CDC40: variants seen among roughly 807,000 people sequenced by gnomAD.
CDC40 encodes pre-mRNA-processing factor 17.
In CDC40, 27 loss-of-function variants were observed where a neutral mutation model predicts 80.6. The ratio of observed to expected loss-of-function variants is 0.33; its 90% confidence interval spans 0.25 to 0.46. CDC40 has a LOEUF of 0.46. Among genes scored for constraint, CDC40 ranks in the 20% least tolerant of loss-of-function variants. CDC40 has a pLI of 1.00. For synonymous variants in CDC40, 221 were observed against 232.6 expected (o/e 0.95, Z 0.45); for missense variants, 486 against 694.1 (o/e 0.70, Z 3.37).
At chr6:110,186,483 CATAAATAA>C (rs142888515) in intron 1 of CDC40, among the ~76,000 whole-genome samples, 1,930 of 151,402 alleles carry the variant, frequency 0.013, 48 homozygotes, top group African/African-American at 0.045. Flanking sequence ...GACCCTGTCT[CATAAATAA>C]ATAAATAAAT....
intron 10 of CDC40, 37 bp downstream of exon 10, chr6:110,217,840 C>T: frequency 9.7e-7 from 1 of 1,034,544 alleles, no homozygotes; most frequent in Non-Finnish European, 1.5e-6. Flanking sequence ...ATTCATCTTA[C>T]AAGTTATTTA....
At chr6:110,193,922 A>G (rs1777385168) in intron 2 of CDC40, among the ~76,000 whole-genome samples, 1 of 152,210 alleles carries the variant, frequency 6.6e-6, no homozygotes, top group Non-Finnish European at 1.5e-5. Context: ...AAAGGAAAAT[A>G]TTGGGGCTTA....
chr6:110,194,806 A>C (rs565987893), intron 2 of CDC40, among the ~76,000 whole-genome samples: 67 of 152,300 alleles, frequency 4.4e-4, no homozygotes, highest in African/African-American at 1.3e-3. Context: ...ATGTCATTTT[A>C]TTTTCTCTGA....
At chr6:110,217,599 G>A in intron 9 of CDC40, 103 bp from the exon 10 acceptor site, 1 of 686,750 alleles carries the variant, frequency 1.5e-6, no homozygotes, top group Admixed American at 2.0e-5. Flanking sequence ...TCACAGCTGA[G>A]AACCACTGCT....
chr6:110,205,675 CCTT>C (rs1777552365), intron 3 of CDC40, among the ~76,000 whole-genome samples: 1 of 152,132 alleles, frequency 6.6e-6, no homozygotes. Flanking sequence ...TCTGTCTACT[CCTT>C]CACCCTTCCA....
At chr6:110,185,365 C>T (rs1031108337) in intron 1 of CDC40, among the ~76,000 whole-genome samples, 3 of 149,892 alleles carry the variant, frequency 2.0e-5, no homozygotes, top group African/African-American at 4.9e-5. Context: ...GCCTCAGCCT[C>T]CCAAGTAGCT....
At chr6:110,219,564 C>A in intron 11 of CDC40, 85 bp downstream of exon 11, 1 of 1,074,198 alleles carries the variant, frequency 9.3e-7, no homozygotes, top group Non-Finnish European at 1.4e-6. Context: ...TAATATTACT[C>A]ATTTAATGTT....
Position 110,213,169 on chromosome 6 carries a change from T to G in CDC40, c.942+9T>G. 1 of 1,524,706 alleles carries G rather than the reference T, an allele frequency of 6.6e-7. No homozygotes were observed. The allele number at this position is 1,524,706 out of a possible 1,614,324, so 94.4% of individuals were successfully genotyped here. A position where few individuals can be genotyped will look rare whatever the true frequency, so the allele number is the denominator to read the frequency against. ...TGGACTGTAAAATTAAGGTGAGTTT[T>G]CAGTAACAGAGTAGGAGTGCTGCAA... On this transcript the variant is annotated intron_variant, in intron 8 of 14. Coordinates refer to ENST00000307731, the MANE Select transcript of CDC40 (RefSeq NM_015891.3).
intron 1 of CDC40, among the ~76,000 whole-genome samples, chr6:110,190,155 A>T (rs1777326575): frequency 6.6e-6 from 1 of 152,172 alleles, no homozygotes; most frequent in African/African-American, 2.4e-5. Context: ...AGAGTACAGC[A>T]TTTTTTTAGG....
In CDC40 at chr6:110,195,085, A is replaced by C. The variant is rs1323071353; in HGVS notation, c.276+1817A>C. 4.6e-5 allele frequency among the ~76,000 whole-genome samples: 7 copies of C among 152,202 alleles called. 1 individual carries two copies. Among genetic ancestry groups the C allele is most frequent in the Admixed American group, 3.3e-4 (5 of 15,286 alleles). ...GACTTAAAAGGGAAGCAAAATTATAATTGTTCCTGGTTGCCAAATGAATCC... is the reference window on the plus strand; with the variant it reads ...GACTTAAAAGGGAAGCAAAATTATACTTGTTCCTGGTTGCCAAATGAATCC... On this transcript the variant is annotated intron_variant, in intron 2 of 14. Transcript: ENST00000307731.
intron 10 of CDC40, among the ~76,000 whole-genome samples, chr6:110,219,026 C>T (rs938174315): frequency 3.9e-5 from 6 of 151,996 alleles, no homozygotes; most frequent in African/African-American, 1.4e-4. Context: ...GAAATCATAC[C>T]ATTTTTTCTC....
chr6:110,203,126 ATT>A (rs1399371712), intron 3 of CDC40, among the ~76,000 whole-genome samples: 24 of 152,192 alleles, frequency 1.6e-4, no homozygotes, highest in Non-Finnish European at 3.1e-4. Context: ...GAGACAGTTT[ATT>A]AAGTTCAAGT....
At chr6:110,189,628 T>C (rs762600103) in intron 1 of CDC40, among the ~76,000 whole-genome samples, 1 of 152,218 alleles carries the variant, frequency 6.6e-6, no homozygotes, top group Non-Finnish European at 1.5e-5. Context: ...TCCTGAATTT[T>C]ATTCCCTCCT....
chr6:110,212,018 C>T (rs947571621), intron 6 of CDC40, 115 bp from the exon 7 acceptor site: 2 of 838,804 alleles, frequency 2.4e-6, no homozygotes, highest in Non-Finnish European at 3.8e-6. Flanking sequence ...AGTGTTATTA[C>T]CTAAACCTTA....
intron 14 of CDC40, among the ~76,000 whole-genome samples, chr6:110,229,694 C>CTATCTAGAGA (rs1335964856): frequency 9.2e-5 from 14 of 152,054 alleles, no homozygotes; most frequent in African/African-American, 2.4e-5. Flanking sequence ...GATTGTGTAA[C>CTATCTAGAGA]CTCATTCACT....
intron 1 of CDC40, among the ~76,000 whole-genome samples, chr6:110,192,831 A>G (rs1401124820): frequency 6.6e-6 from 1 of 152,170 alleles, no homozygotes; most frequent in Non-Finnish European, 1.5e-5. Flanking sequence ...TTTGCTGAGT[A>G]AAAAAAGAAA....
At chr6:110,183,818 A>G (rs961908914) in intron 1 of CDC40, among the ~76,000 whole-genome samples, 3 of 152,088 alleles carry the variant, frequency 2.0e-5, no homozygotes, top group African/African-American at 4.8e-5. Context: ...GTATCTTTTA[A>G]TATGTTATTG....
In CDC40 at chr6:110,217,759, G is replaced by C. The variant is rs753551548; in HGVS notation, c.1046G>C (p.Ser349Thr). 6.2e-7 allele frequency: 1 copy of C among 1,607,620 alleles called. No individual in the cohort carries two copies. Among genetic ancestry groups the C allele is most frequent in the Admixed American group, 1.7e-5 (1 of 60,004 alleles). Residue 349 changes from serine to threonine, a missense_variant, in exon 10 of 15, where the codon AGT becomes ACT. By Grantham distance (58) the Ser-to-Thr change is moderately conservative. Coordinates refer to ENST00000307731, the MANE Select transcript of CDC40 (RefSeq NM_015891.3). ...CFNTAGTQFLSAAYDRYLKLW... is the reference protein window; with the variant it reads ...CFNTAGTQFLTAAYDRYLKLW... ...AATACTGCAGGAACACAGTTCCTCA[G>C]TGCAGCCTATGACAGGTATCTTAAG...
chr6:110,227,567 T>G (rs1239011715), intron 13 of CDC40, among the ~76,000 whole-genome samples: 1 of 152,242 alleles, frequency 6.6e-6, no homozygotes, highest in Non-Finnish European at 1.5e-5. Context: ...ATTATTTAAG[T>G]CTGTTTCCTT....
Sources: gnomAD v4.1 joint callset for allele counts (sites outside exome capture counted in the v4.1 genomes callset) on GRCh38, gnomAD v4.1.1 for gene constraint, MANE v1.5 for transcripts, NCBI Gene and HGNC (gene_info 2026-07-23, HGNC 2026-07-21) for gene names.